The following GALNS variants were observed in gnomAD, a reference collection of about 807,000 sequenced individuals.
GALNS encodes the protein galactosamine (N-acetyl)-6-sulfatase.
In GALNS, 65 loss-of-function variants were observed where a neutral mutation model predicts 65.9. The observed-to-expected ratio is 0.99, with a 90% confidence interval of 0.81 to 1.21. The LOEUF (loss-of-function observed/expected upper bound fraction) is 1.21, where lower values mean the gene tolerates loss of function less well. GALNS is among the 50% of genes most tolerant of loss of function. GALNS has a pLI of 0.00. For missense variants in GALNS, 776 were observed against 700.7 expected, an observed-to-expected ratio of 1.11 and a Z score of -1.21; for synonymous variants, 346 against 288.9, an observed-to-expected ratio of 1.20 and a Z score of -2.00.
intron 1 of GALNS, chr16:88,856,382 T>C (rs1438396149): frequency 2.9e-6 from 2 of 701,296 alleles, no homozygotes; most frequent in Non-Finnish European, 5.2e-6. Context: ...GCGCCCACCT[T>C]TCCCAAGAGT....
chr16:88,851,070 G>C (rs1967487084), intron 1 of GALNS, among the ~76,000 whole-genome samples: 2 of 152,234 alleles, frequency 1.3e-5, no homozygotes, highest in Middle Eastern at 6.8e-3. Flanking sequence ...CTCATCTGCT[G>C]ACCCTGTTCT....
chr16:88,849,271 T>C (rs1404839057), intron 1 of GALNS, among the ~76,000 whole-genome samples: 2 of 151,586 alleles, frequency 1.3e-5, no homozygotes, highest in African/African-American at 4.9e-5. Context: ...CATGCCACCA[T>C]GCCCAGTTAA....
rs998244930 is a variant in GALNS at position 88,824,648 on chromosome 16, A to T, written c.1242+119T>A. On this transcript the variant is annotated intron_variant, in intron 11 of 13. Transcript: ENST00000268695. Reference sequence around the variant, plus strand: ...GGGGGCCACACAGAGAAGGCTGTGGAGGGGGTGGAGTTCCTGCCTGTCTCA... The same window carrying T: ...GGGGGCCACACAGAGAAGGCTGTGGTGGGGGTGGAGTTCCTGCCTGTCTCA... 7.6e-6 allele frequency: 6 copies of T among 793,764 alleles called. No homozygotes were observed. The Admixed American group carries it at 7.8e-5, about 10-fold the overall frequency. The allele number at this position is 793,764 out of a possible 1,614,324, so 49.2% of individuals were successfully genotyped here. A position where few individuals can be genotyped will look rare whatever the true frequency, so the allele number is the denominator to read the frequency against.
Position 88,832,016 on chromosome 16 carries a change from C to T in GALNS, c.984G>A (p.Gly328=), listed in dbSNP as rs369216262. ...MREPALAWWP[G]HVTAGQVSHQ... is the part of the protein sequence containing the mutation. ...GACTCACCTGGCCTGCAGTGACGTG[C>T]CCTGGCCACCATGCGAGGGCAGGCT... The change falls in exon 9 of 14, where the codon GGG becomes GGA. Residue 328 remains glycine, a synonymous_variant. Transcript: ENST00000268695. 8 of 1,613,514 alleles carry T rather than the reference C, an allele frequency of 5.0e-6. No homozygotes were observed. The highest frequency in any genetic ancestry group is 1.3e-5 in the African/African-American group (1 of 74,860).
chr16:88,824,872 G>A lies in GALNS; in HGVS notation c.1140-3C>T. The A allele has an allele frequency of 6.2e-7, 1 of 1,612,698 alleles. No individual in the cohort carries two copies. Among genetic ancestry groups the A allele is most frequent in the Non-Finnish European group, 8.5e-7 (1 of 1,179,652 alleles). Reference sequence around the variant, plus strand: ...CGCCACGGTAATAGAAGATAGGCCTGTGGGATGGGAGGGGAGGACCATGTA... The same window carrying A: ...CGCCACGGTAATAGAAGATAGGCCTATGGGATGGGAGGGGAGGACCATGTA... On this transcript the variant is annotated splice_region_variant and splice_polypyrimidine_tract_variant and intron_variant, in intron 10 of 13. Coordinates refer to ENST00000268695, the MANE Select transcript of GALNS (RefSeq NM_000512.5).
At chr16:88,847,873 C>T (rs1014513203) in intron 1 of GALNS, among the ~76,000 whole-genome samples, 4 of 152,214 alleles carry the variant, frequency 2.6e-5, no homozygotes, top group Admixed American at 2.6e-4. Flanking sequence ...AAAAGTGTGT[C>T]CACGTGGAAA....
rs373145710 is a variant in GALNS at position 88,842,874 on chromosome 16, G to T, written c.121-45C>A. 1.1e-5 allele frequency: 17 copies of T among 1,607,584 alleles called. No homozygotes were observed. In the African/African-American group the frequency reaches 2.3e-4, roughly 21 times the overall value. ...GAGGAGGAATGAGCGCCTTCTGCAG[G>T]TGCTTCTGGCCTGGGGAGCTGCCCA... On this transcript the variant is annotated intron_variant, in intron 1 of 13. Coordinates refer to ENST00000268695, the MANE Select transcript of GALNS (RefSeq NM_000512.5).
chr16:88,850,152 G>A (rs921543307), intron 1 of GALNS, among the ~76,000 whole-genome samples: 1 of 152,224 alleles, frequency 6.6e-6, no homozygotes, highest in Non-Finnish European at 1.5e-5. Flanking sequence ...CAGGTGGGCC[G>A]GGGGCACAAG....
In GALNS at chr16:88,823,690, C is replaced by A. The variant is rs534585216; in HGVS notation, c.1243-980G>T. Among the ~76,000 whole-genome samples, 1,010 of 103,334 alleles carry A rather than the reference C, an allele frequency of 9.8e-3. 25 individuals carry two copies. The highest frequency in any genetic ancestry group is 0.013 in the Non-Finnish European group (685 of 51,526). 67.8% of individuals were successfully genotyped at this position (103,334 alleles called of 152,430 possible). ...CGATGCCCAGGACGGCCCTCGCAGGCGGCAATGCCGGGGACCGATGCCCAG... is the reference window on the plus strand; with the variant it reads ...CGATGCCCAGGACGGCCCTCGCAGGAGGCAATGCCGGGGACCGATGCCCAG... On this transcript the variant is annotated intron_variant, in intron 11 of 13. Coordinates refer to ENST00000268695, the MANE Select transcript of GALNS (RefSeq NM_000512.5).
At chr16:88,815,583 C>A (rs1909537429) in intron 13 of GALNS, 1 of 985,378 alleles carries the variant, frequency 1.0e-6, no homozygotes, top group Non-Finnish European at 1.2e-6. Flanking sequence ...GCCTTCTTGG[C>A]TGAAATGAGT....
At chr16:88,845,433 A>C (rs1967201200) in intron 1 of GALNS, 1 of 151,552 alleles carries the variant, frequency 6.6e-6, no homozygotes, top group South Asian at 2.1e-4. Context: ...TCTTAGTGAA[A>C]GTGCAGCTAC....
chr16:88,822,808 G>T, intron 11 of GALNS, 98 bp from the exon 12 acceptor site: 1 of 1,519,152 alleles, frequency 6.6e-7, no homozygotes, highest in Non-Finnish European at 8.9e-7. Flanking sequence ...CTGCGGCCGT[G>T]AGGGGCCTTG....
chr16:88,822,828 G>T, intron 11 of GALNS, 118 bp from the exon 12 acceptor site: 1 of 1,469,260 alleles, frequency 6.8e-7, no homozygotes, highest in Non-Finnish European at 9.2e-7. Flanking sequence ...GTCTGCCTGT[G>T]TCCTGGAGCC....
intron 9 of GALNS, among the ~76,000 whole-genome samples, chr16:88,830,493 C>T (rs891670653): frequency 2.0e-5 from 3 of 151,764 alleles, no homozygotes; most frequent in Non-Finnish European, 2.9e-5. Context: ...GAGCCCCCCC[C>T]ATCCTCGTGG....
intron 9 of GALNS, among the ~76,000 whole-genome samples, chr16:88,831,281 G>C (rs1911481591): frequency 9.1e-6 from 1 of 109,938 alleles, no homozygotes; most frequent in Non-Finnish European, 1.9e-5. Context: ...GCGTGGGGAG[G>C]AGAGCGGTGA....
chr16:88,815,679 CTT>C (rs1286781763), intron 13 of GALNS: 2 of 985,332 alleles, frequency 2.0e-6, no homozygotes, highest in Admixed American at 1.2e-4. Context: ...CGGGGACAGA[CTT>C]TGGATTCTGG....
In GALNS at chr16:88,835,707, C is replaced by T; in HGVS notation, c.758+18G>A. On this transcript the variant is annotated intron_variant, in intron 7 of 13. Transcript: ENST00000268695. ...GGGGCCTCCAGCGAGGTCTATGCTC[C>T]ATGGAGCCAGGACTCACCGCCCTCG... 6.2e-7 allele frequency: 1 copy of T among 1,613,786 alleles called. No homozygotes were observed.
In GALNS at chr16:88,856,840, A is replaced by G; in HGVS notation, c.38T>C (p.Leu13Pro). ...AVVAATRWWQ[L>P]LLVLSAAGMG... ...CCCCGCGGCGCTGAGCACCAGCAAC[A>G]GCTGCCACCACCTCGTCGCCGCGAC... Residue 13 changes from leucine to proline, a missense_variant, in exon 1 of 14, where the codon CTG becomes CCG. Physicochemically the swap from Leu to Pro is moderately conservative, Grantham distance 98 (BLOSUM62 -3). Coordinates refer to ENST00000268695, the MANE Select transcript of GALNS (RefSeq NM_000512.5). 1 of 1,518,316 alleles carries G rather than the reference A, an allele frequency of 6.6e-7. No individual in the cohort carries two copies. The allele number at this position is 1,518,316 out of a possible 1,614,324, so 94.1% of individuals were successfully genotyped here.
At chr16:88,835,451 C>A in intron 7 of GALNS, 99 bp from the exon 8 acceptor site, 2 of 1,482,842 alleles carry the variant, frequency 1.3e-6, no homozygotes, top group African/African-American at 2.8e-5. Context: ...TTCATTAAAT[C>A]ATAACTTCAC....
Sources: allele counts gnomAD v4.1 joint callset (sites outside exome capture counted in the v4.1 genomes callset), GRCh38; gene constraint gnomAD v4.1.1; transcripts MANE v1.5; gene names NCBI Gene and HGNC (gene_info 2026-07-23, HGNC 2026-07-21).